Variants in PAPPA observed in about 807,000 individuals in gnomAD.
PAPPA encodes the protein pappalysin-1.
A neutral mutation model predicts 164.0 loss-of-function variants in PAPPA; 60 were observed. The observed-to-expected ratio is 0.37, with a 90% confidence interval of 0.30 to 0.45. The LOEUF (loss-of-function observed/expected upper bound fraction) is 0.45. Among genes scored for constraint, PAPPA ranks in the 20% least tolerant of loss-of-function variants. The pLI is 1.00. For synonymous variants in PAPPA, 875 were observed against 814.1 expected, an observed-to-expected ratio of 1.07 and a Z score of -1.27; for missense variants, 1,782 against 2,087.3, an observed-to-expected ratio of 0.85 and a Z score of 2.85.
At chr9:116,343,689 G>C (rs767260145) in intron 13 of PAPPA, among the ~76,000 whole-genome samples, 40 of 152,076 alleles carry the variant, frequency 2.6e-4, no homozygotes, top group Admixed American at 1.3e-3. Flanking sequence ...GATGTACTTT[G>C]CCAACTAGGT....
intron 2 of PAPPA, among the ~76,000 whole-genome samples, chr9:116,207,179 G>C (rs1844246300): frequency 6.6e-6 from 1 of 152,072 alleles, no homozygotes; most frequent in Non-Finnish European, 1.5e-5. Context: ...GTATGAAGAA[G>C]GTTCTCTAAG....
chr9:116,231,822 C>A (rs1441891782), intron 6 of PAPPA, among the ~76,000 whole-genome samples: 2 of 122,468 alleles, frequency 1.6e-5, no homozygotes, highest in African/African-American at 6.3e-5. Flanking sequence ...AGTGCAGTGG[C>A]GTAATCTCGG....
At chr9:116,219,607 T>G (rs412644) in intron 4 of PAPPA, among the ~76,000 whole-genome samples, 78,554 of 151,802 alleles carry the variant, frequency 0.52, 20,713 homozygotes, top group East Asian at 0.71. Flanking sequence ...CCCAGTGGAT[T>G]TGGGGGCCAT....
intron 7 of PAPPA, among the ~76,000 whole-genome samples, chr9:116,259,948 A>G (rs1250427752): frequency 2.0e-5 from 3 of 152,212 alleles, no homozygotes; most frequent in Non-Finnish European, 4.4e-5. Flanking sequence ...TGGCCAAATA[A>G]ATTATGATAT....
chr9:116,346,238 T>C (rs1281746388), intron 14 of PAPPA, among the ~76,000 whole-genome samples: 1 of 152,212 alleles, frequency 6.6e-6, no homozygotes, highest in Non-Finnish European at 1.5e-5. Context: ...TGATTGTCCA[T>C]CCCTTGACTC....
intron 1 of PAPPA, among the ~76,000 whole-genome samples, chr9:116,166,937 A>C (rs1843725438): frequency 6.6e-6 from 1 of 152,212 alleles, no homozygotes; most frequent in African/African-American, 2.4e-5. Flanking sequence ...CATTTGAAGA[A>C]TGTAGAATGG....
Position 116,211,844 on chromosome 9 carries a change from G to A in PAPPA, c.1830G>A (p.Lys610=). ...ATACCAACCCAGCCCCTAAACACAAGTCCTGTGGTGACCCAGGGCCAGGAA... is the reference window on the plus strand; with the variant it reads ...ATACCAACCCAGCCCCTAAACACAAATCCTGTGGTGACCCAGGGCCAGGAA... ...CNDTNPAPKH[K]SCGDPGPGND... The change falls in exon 4 of 22, where the codon AAG becomes AAA. Residue 610 remains lysine (K), a synonymous_variant. Coordinates refer to ENST00000328252, the MANE Select transcript of PAPPA (RefSeq NM_002581.5). 6.2e-7 allele frequency: 1 copy of A among 1,614,098 alleles called. No homozygotes were observed. The highest frequency in any genetic ancestry group is 8.5e-7 in the Non-Finnish European group (1 of 1,179,990).
chr9:116,293,845 C>T (rs1300015704), intron 9 of PAPPA, among the ~76,000 whole-genome samples: 5 of 152,118 alleles, frequency 3.3e-5, no homozygotes, highest in Admixed American at 3.3e-4. Flanking sequence ...ATCCCAGCTA[C>T]TCAGGAGGCT....
chr9:116,193,499 C>A (rs1199579417), intron 2 of PAPPA, among the ~76,000 whole-genome samples: 1 of 152,088 alleles, frequency 6.6e-6, no homozygotes, highest in Non-Finnish European at 1.5e-5. Context: ...GAGACTAAGC[C>A]CTCAAGGAGG....
chr9:116,363,554 G>A (rs1358198394), intron 18 of PAPPA, among the ~76,000 whole-genome samples: 1 of 152,208 alleles, frequency 6.6e-6, no homozygotes, highest in African/African-American at 2.4e-5. Flanking sequence ...GGGGTACTCA[G>A]AGTGCATGGA....
chr9:116,344,725 CTGAGCTCAG>C lies in PAPPA; in HGVS notation c.3780+15_3780+23del. 6.2e-7 allele frequency: 1 copy of C among 1,608,262 alleles called. No individual in the cohort carries two copies. The highest frequency in any genetic ancestry group is 8.5e-7 in the Non-Finnish European group (1 of 1,175,590). On this transcript the variant is annotated intron_variant, in intron 14 of 21. Coordinates refer to ENST00000328252, the MANE Select transcript of PAPPA (RefSeq NM_002581.5). ...ATCAAGAGCCAGGTATGTGCAGGTG[CTGAGCTCAG>C]AGCCTCTCTGCAGCCCAGGGAAGGC...
At chr9:116,235,930 G>A (rs1164729056) in intron 7 of PAPPA, among the ~76,000 whole-genome samples, 4 of 152,190 alleles carry the variant, frequency 2.6e-5, no homozygotes, top group Admixed American at 2.6e-4. Flanking sequence ...GAAGGAGGTT[G>A]GATGAGAGTA....
chr9:116,389,818 T>C (rs1181966907), intron 21 of PAPPA, among the ~76,000 whole-genome samples: 3 of 151,926 alleles, frequency 2.0e-5, no homozygotes, highest in African/African-American at 7.3e-5. Context: ...CTGTTTTTTT[T>C]TTTCTTTCTT....
intron 10 of PAPPA, among the ~76,000 whole-genome samples, chr9:116,319,071 G>C (rs928562551): frequency 6.6e-5 from 10 of 152,218 alleles, no homozygotes; most frequent in African/African-American, 2.2e-4. Context: ...TGGAGGACTA[G>C]GTGGCTTAAG....
intron 13 of PAPPA, among the ~76,000 whole-genome samples, chr9:116,343,465 T>C (rs1281510171): frequency 3.9e-5 from 6 of 152,322 alleles, no homozygotes; most frequent in African/African-American, 1.4e-4. Context: ...ATTTGCATGA[T>C]GCTTAGACCT....
At chr9:116,329,238 C>T (rs1228614461) in intron 10 of PAPPA, among the ~76,000 whole-genome samples, 1 of 152,158 alleles carries the variant, frequency 6.6e-6, no homozygotes, top group Non-Finnish European at 1.5e-5. Flanking sequence ...ATAGAAAATT[C>T]AGACCTGGTC....
chr9:116,188,349 C>G, intron 2 of PAPPA, 133 bp downstream of exon 2: 1 of 655,320 alleles, frequency 1.5e-6, no homozygotes. Context: ...ATGATTGAGG[C>G]AAGTCTTTTA....
Position 116,210,994 on chromosome 9 carries a change from G to T in PAPPA, c.1625-645G>T, listed in dbSNP as rs187233540. Among the ~76,000 whole-genome samples, 4 of 152,322 alleles carry T rather than the reference G, an allele frequency of 2.6e-5. No individual in the cohort carries two copies. The East Asian group carries it at 7.7e-4, about 29-fold the overall frequency. ...AATGAGATACTCTGCTCCAGGCCCT[G>T]TGATAGTCATTAATCATAGAACGTT... On this transcript the variant is annotated intron_variant, in intron 3 of 21. Transcript: ENST00000328252.
chr9:116,253,739 A>G (rs1032847417), intron 7 of PAPPA, among the ~76,000 whole-genome samples: 1 of 152,220 alleles, frequency 6.6e-6, no homozygotes, highest in African/African-American at 2.4e-5. Flanking sequence ...TAAGAAATAA[A>G]TTCTTTTGAG....
Sources: allele counts gnomAD v4.1 joint callset (sites outside exome capture counted in the v4.1 genomes callset), GRCh38; gene constraint gnomAD v4.1.1; transcripts MANE v1.5; gene names NCBI Gene and HGNC (gene_info 2026-07-23, HGNC 2026-07-21).